The following CSMD1 variants were observed in gnomAD, a reference collection of about 807,000 sequenced individuals.
CSMD1 encodes the protein CUB and Sushi multiple domains 1.
A neutral mutation model predicts 417.5 loss-of-function variants in CSMD1; 213 were observed. The observed-to-expected ratio is 0.51, with a 90% CI of 0.46 to 0.57. The LOEUF (loss-of-function observed/expected upper bound fraction) is 0.57. Among genes scored for constraint, CSMD1 ranks in the 20% least tolerant of loss-of-function variants. The pLI is 0.00. For synonymous variants in CSMD1, 2,862 were observed against 1,736.8 expected, an observed-to-expected ratio of 1.65 and a Z score of -16.11; for missense variants, 6,923 against 4,529.7, an observed-to-expected ratio of 1.53 and a Z score of -15.17.
intron 7 of CSMD1, among the ~76,000 whole-genome samples, chr8:3,677,862 G>A (rs910193938): frequency 3.3e-5 from 5 of 152,092 alleles, no homozygotes; most frequent in African/African-American, 1.2e-4. Flanking sequence ...CCCCCTTGCT[G>A]AAGCCATTTC....
chr8:3,624,021 T>A (rs746946982), intron 7 of CSMD1, among the ~76,000 whole-genome samples: 1 of 152,040 alleles, frequency 6.6e-6, no homozygotes, highest in East Asian at 1.9e-4. Flanking sequence ...ACTCTGGCCA[T>A]AATTACCTTA....
At chr8:3,103,027 C>T (rs779484756) in intron 46 of CSMD1, among the ~76,000 whole-genome samples, 1 of 152,174 alleles carries the variant, frequency 6.6e-6, no homozygotes, top group East Asian at 1.9e-4. Context: ...AGACTAATCA[C>T]CCCAGCACCT....
chr8:3,412,032 A>ATG lies in CSMD1; in HGVS notation c.1562-2428_1562-2427insCA, dbSNP rs1812818534. 9.3e-5 allele frequency among the ~76,000 whole-genome samples: 9 copies of ATG among 96,690 alleles called. 3 individuals are homozygous for ATG. The highest frequency in any genetic ancestry group is 2.7e-4 in the African/African-American group (6 of 22,640). 63.4% of individuals were successfully genotyped at this position (96,690 alleles called of 152,430 possible). A position where few individuals can be genotyped will look rare whatever the true frequency, so the allele number is the denominator to read the frequency against. ...TATATATACATATACACACGTATAT[A>ATG]TACACATATATACACGTATATATAC... On this transcript the variant is annotated intron_variant, in intron 12 of 69. Transcript: ENST00000635120.
At chr8:4,056,272 G>A (rs1798685729) in intron 3 of CSMD1, among the ~76,000 whole-genome samples, 3 of 151,590 alleles carry the variant, frequency 2.0e-5, no homozygotes, top group African/African-American at 7.2e-5. Flanking sequence ...TAGTAGAGAT[G>A]GAGTTTCACC....
At chr8:4,941,822 C>T (rs1042379881) in intron 1 of CSMD1, among the ~76,000 whole-genome samples, 1 of 152,160 alleles carries the variant, frequency 6.6e-6, no homozygotes, top group Non-Finnish European at 1.5e-5. Context: ...TGGTCTTGAA[C>T]TCCTGAGCTC....
At chr8:4,112,524 A>C (rs1468656342) in intron 3 of CSMD1, among the ~76,000 whole-genome samples, 2 of 152,194 alleles carry the variant, frequency 1.3e-5, no homozygotes, top group African/African-American at 4.8e-5. Flanking sequence ...TGGAAAAGAC[A>C]TCCCAAACTG....
rs532058687 is a variant in CSMD1 at position 4,711,194 on chromosome 8, C to T, written c.86-73636G>A. 9.8e-4 allele frequency among the ~76,000 whole-genome samples: 147 copies of T among 150,122 alleles called. 1 individual carries two copies. The highest frequency in any genetic ancestry group is 3.6e-3 in the African/African-American group (146 of 41,068). On this transcript the variant is annotated intron_variant, in intron 1 of 69. Coordinates refer to ENST00000635120, the MANE Select transcript of CSMD1 (RefSeq NM_033225.6). ...AACCATGATCCTTTTATTACTCATA[C>T]TTGGAAAGGCAAATTTGAAGTAAAA...
At chr8:4,745,045 C>A (rs1455713111) in intron 1 of CSMD1, among the ~76,000 whole-genome samples, 1 of 151,990 alleles carries the variant, frequency 6.6e-6, no homozygotes, top group Admixed American at 6.6e-5. Flanking sequence ...AATATATATT[C>A]TTTTTTATAT....
chr8:3,604,840 T>A (rs2117099378), intron 8 of CSMD1, among the ~76,000 whole-genome samples: 2 of 152,236 alleles, frequency 1.3e-5, no homozygotes, highest in South Asian at 4.1e-4. Flanking sequence ...AAGACAACAG[T>A]GAGAGTTATC....
intron 1 of CSMD1, among the ~76,000 whole-genome samples, chr8:4,928,055 C>G (rs981915693): frequency 6.6e-6 from 1 of 152,192 alleles, no homozygotes; most frequent in African/African-American, 2.4e-5. Flanking sequence ...GGATGCTCAC[C>G]AGGCCTGGCT....
intron 3 of CSMD1, among the ~76,000 whole-genome samples, chr8:4,349,796 C>T (rs760023773): frequency 4.7e-5 from 7 of 149,866 alleles, no homozygotes; most frequent in Admixed American, 2.0e-4. Flanking sequence ...GTCTCAATTG[C>T]TTAAAATTAA....
At chr8:3,430,634 A>G (rs543663426) in intron 12 of CSMD1, among the ~76,000 whole-genome samples, 1 of 152,084 alleles carries the variant, frequency 6.6e-6, no homozygotes, top group Non-Finnish European at 1.5e-5. Context: ...TGGTGAAACC[A>G]CATCTCCACT....
At chr8:4,252,466 C>T (rs545706767) in intron 3 of CSMD1, among the ~76,000 whole-genome samples, 109 of 152,376 alleles carry the variant, frequency 7.2e-4, no homozygotes, top group African/African-American at 2.5e-3. Flanking sequence ...TTGAGTTACA[C>T]TCTAATACAT....
intron 5 of CSMD1, among the ~76,000 whole-genome samples, chr8:3,970,635 G>T (rs1813016537): frequency 6.6e-6 from 1 of 152,172 alleles, no homozygotes; most frequent in Admixed American, 6.5e-5. Context: ...AATCTTCATA[G>T]ATTTGCTAGA....
Position 4,899,738 on chromosome 8 carries a change from G to A in CSMD1, c.85+94594C>T, listed in dbSNP as rs1477466833. ...TCATATCTCACTGGACCTTTTTCTTGTGGGAAAAGAAAAAGCTAGAATGCA... is the reference window on the plus strand; with the variant it reads ...TCATATCTCACTGGACCTTTTTCTTATGGGAAAAGAAAAAGCTAGAATGCA... On this transcript the variant is annotated intron_variant, in intron 1 of 69. Transcript: ENST00000635120. 2.6e-5 allele frequency among the ~76,000 whole-genome samples: 4 copies of A among 152,206 alleles called. No homozygotes were observed. In the East Asian group the frequency reaches 7.7e-4, roughly 29 times the overall value.
rs1421977111 is a variant in CSMD1 at position 4,262,971 on chromosome 8, A to G, written c.415+156982T>C. On this transcript the variant is annotated intron_variant, in intron 3 of 69. Transcript: ENST00000635120. ...CCAAGGAAACTGAGTCTCCAAGTAGAATCACATTTTATACGCCTTTAGCTC... is the reference window on the plus strand; with the variant it reads ...CCAAGGAAACTGAGTCTCCAAGTAGGATCACATTTTATACGCCTTTAGCTC... Among the ~76,000 whole-genome samples the G allele has an allele frequency of 2.0e-5, 3 of 152,334 alleles. No homozygotes were observed. In the East Asian group the frequency reaches 5.8e-4, roughly 29 times the overall value.
chr8:4,658,779 T>G (rs1804395595), intron 1 of CSMD1, among the ~76,000 whole-genome samples: 1 of 152,110 alleles, frequency 6.6e-6, no homozygotes, highest in African/African-American at 2.4e-5. Flanking sequence ...GACAAATACA[T>G]AAAACAATCA....
chr8:4,832,130 A>T (rs147421158), intron 1 of CSMD1, among the ~76,000 whole-genome samples: 1 of 152,294 alleles, frequency 6.6e-6, no homozygotes, highest in East Asian at 1.9e-4. Context: ...ACTGGCATGT[A>T]TCTCTGTTTT....
chr8:3,745,572 T>A (rs1299502453), intron 6 of CSMD1, among the ~76,000 whole-genome samples: 2 of 152,224 alleles, frequency 1.3e-5, no homozygotes, highest in Non-Finnish European at 2.9e-5. Context: ...TTGCTACGCT[T>A]GCTCCTCAAC....
Sources: gnomAD v4.1 joint callset for allele counts (sites outside exome capture counted in the v4.1 genomes callset) on GRCh38, gnomAD v4.1.1 for gene constraint, MANE v1.5 for transcripts, NCBI Gene and HGNC (gene_info 2026-07-23, HGNC 2026-07-21) for gene names.